CTNNA3: variants seen among roughly 807,000 people sequenced by gnomAD.
CTNNA3 encodes catenin alpha 3.
A neutral mutation model predicts 95.7 loss-of-function variants in CTNNA3; 76 were observed. The ratio of observed to expected loss-of-function variants is 0.79; its 90% CI spans 0.66 to 0.96. The LOEUF (loss-of-function observed/expected upper bound fraction) is 0.96, where lower values mean the gene tolerates loss of function less well. CTNNA3 is among the 40% of genes least tolerant of loss of function. CTNNA3 has a pLI of 0.00. For synonymous variants in CTNNA3, 431 were observed against 374.4 expected, an observed-to-expected ratio of 1.15 and a Z score of -1.74; for missense variants, 1,191 against 1,089.8, an observed-to-expected ratio of 1.09 and a Z score of -1.31.
At chr10:66,161,815 T>C (rs754463991) in intron 13 of CTNNA3, among the ~76,000 whole-genome samples, 1 of 152,228 alleles carries the variant, frequency 6.6e-6, no homozygotes, top group Non-Finnish European at 1.5e-5. Flanking sequence ...TGGAATTCTC[T>C]TCTTCCTCAG....
rs1554932658 is a variant in CTNNA3 at position 67,151,344 on chromosome 10, AAT to A, written c.1047+28971_1047+28972del. Among the ~76,000 whole-genome samples, 3 of 152,104 alleles carry A rather than the reference AAT, an allele frequency of 2.0e-5. No individual in the cohort carries two copies. The East Asian group carries it at 5.8e-4, about 29-fold the overall frequency. Reference sequence around the variant, plus strand: ...TGCAAACTTACAGTGAATAAAAAAAAATAAGGTAATGTATTTTATTCCTTTAT... The same window carrying A: ...TGCAAACTTACAGTGAATAAAAAAAAAAGGTAATGTATTTTATTCCTTTAT... On this transcript the variant is annotated intron_variant, in intron 7 of 17. Transcript: ENST00000433211.
At chr10:66,276,154 GATATAT>G (rs2091393331) in intron 13 of CTNNA3, among the ~76,000 whole-genome samples, 1 of 152,040 alleles carries the variant, frequency 6.6e-6, no homozygotes, top group African/African-American at 2.4e-5. Context: ...CCTATTCCCT[GATATAT>G]AGAGTTAGAA....
intron 1 of CTNNA3, among the ~76,000 whole-genome samples, chr10:67,717,799 G>A (rs1349302862): frequency 1.3e-5 from 2 of 152,038 alleles, no homozygotes; most frequent in African/African-American, 4.8e-5. Flanking sequence ...TAGGCTATAC[G>A]GGCTCTTTTT....
At chr10:66,581,309 G>A (rs1396285597) in intron 10 of CTNNA3, among the ~76,000 whole-genome samples, 1 of 151,742 alleles carries the variant, frequency 6.6e-6, no homozygotes, top group African/African-American at 2.4e-5. Context: ...TTAGCTTTGA[G>A]AAATCTCCAT....
intron 11 of CTNNA3, among the ~76,000 whole-genome samples, chr10:66,463,886 ATT>A (rs112075327): frequency 1.3e-4 from 18 of 143,694 alleles, no homozygotes; most frequent in Non-Finnish European, 1.1e-4. Flanking sequence ...TCACTTTCCA[ATT>A]TTTTTTTTTT....
chr10:66,710,709 A>G (rs545897170), intron 9 of CTNNA3, among the ~76,000 whole-genome samples: 2 of 152,090 alleles, frequency 1.3e-5, no homozygotes, highest in South Asian at 4.1e-4. Context: ...TCTCTGTGAT[A>G]ATATATATTC....
chr10:66,912,543 A>G (rs1198263192), intron 7 of CTNNA3, among the ~76,000 whole-genome samples: 2 of 152,224 alleles, frequency 1.3e-5, no homozygotes, highest in Admixed American at 6.5e-5. Flanking sequence ...GCAAAGTTAT[A>G]ATAAATACAA....
At chr10:67,022,014 A>G (rs1453905983) in intron 7 of CTNNA3, among the ~76,000 whole-genome samples, 1 of 152,230 alleles carries the variant, frequency 6.6e-6, no homozygotes, top group Non-Finnish European at 1.5e-5. Context: ...TTAAGTCGCA[A>G]TAGACCTTTC....
chr10:66,654,667 C>T (rs1343713734), intron 9 of CTNNA3, among the ~76,000 whole-genome samples: 1 of 152,080 alleles, frequency 6.6e-6, no homozygotes, highest in African/African-American at 2.4e-5. Context: ...ATGTTCCTCA[C>T]AGCATTATTC....
chr10:67,255,335 T>TA (rs1338430857), intron 5 of CTNNA3, among the ~76,000 whole-genome samples: 1 of 151,536 alleles, frequency 6.6e-6, no homozygotes, highest in Non-Finnish European at 1.5e-5. Context: ...TTAATTAATT[T>TA]AAAAAACTAC....
chr10:66,670,595 T>C (rs1436630597), intron 9 of CTNNA3, among the ~76,000 whole-genome samples: 1 of 152,200 alleles, frequency 6.6e-6, no homozygotes, highest in Non-Finnish European at 1.5e-5. Context: ...CGACTGATTT[T>C]TCTGTTCTCC....
intron 5 of CTNNA3, among the ~76,000 whole-genome samples, chr10:67,248,773 C>T (rs1052220439): frequency 2.0e-5 from 3 of 152,142 alleles, no homozygotes; most frequent in Non-Finnish European, 2.9e-5. Context: ...GGACTCCTAC[C>T]TCACACCATA....
At chr10:66,975,967 T>A (rs2132850996) in intron 7 of CTNNA3, among the ~76,000 whole-genome samples, 1 of 152,336 alleles carries the variant, frequency 6.6e-6, no homozygotes. Context: ...CTGCTTAACA[T>A]GCTACTGCAG....
intron 7 of CTNNA3, among the ~76,000 whole-genome samples, chr10:67,027,900 G>A (rs1853488967): frequency 6.6e-6 from 1 of 152,094 alleles, no homozygotes; most frequent in Non-Finnish European, 1.5e-5. Context: ...ATGTCATAAT[G>A]ATGATGATAT....
intron 6 of CTNNA3, among the ~76,000 whole-genome samples, chr10:67,185,158 C>T (rs1862774129): frequency 6.6e-6 from 1 of 151,752 alleles, no homozygotes; most frequent in African/African-American, 2.4e-5. Context: ...TAGATGGAGT[C>T]TCACTCTGTT....
At chr10:67,673,373 C>T (rs1203215956) in intron 1 of CTNNA3, among the ~76,000 whole-genome samples, 1 of 148,906 alleles carries the variant, frequency 6.7e-6, no homozygotes, top group Admixed American at 6.7e-5. Flanking sequence ...GCCTAATTGC[C>T]CTGGCCAGAA....
chr10:67,062,514 AGTGT>A (rs997752117), intron 7 of CTNNA3, among the ~76,000 whole-genome samples: 3 of 152,058 alleles, frequency 2.0e-5, no homozygotes, highest in African/African-American at 7.2e-5. Flanking sequence ...TTTGGTTGAA[AGTGT>A]GTGTGTGTCT....
At chr10:67,701,650 G>A (rs185221255) in intron 1 of CTNNA3, among the ~76,000 whole-genome samples, 542 of 152,270 alleles carry the variant, frequency 3.6e-3, no homozygotes, top group Admixed American at 5.1e-3. Flanking sequence ...AGGAAAAACC[G>A]GTACCAGCTG....
intron 7 of CTNNA3, among the ~76,000 whole-genome samples, chr10:66,921,146 G>A (rs1315628609): frequency 6.6e-6 from 1 of 152,162 alleles, no homozygotes; most frequent in Non-Finnish European, 1.5e-5. Flanking sequence ...CTGATTTCTG[G>A]CTTCTTAATA....
Sources: gnomAD v4.1 joint callset for allele counts (sites outside exome capture counted in the v4.1 genomes callset) on GRCh38, gnomAD v4.1.1 for gene constraint, MANE v1.5 for transcripts, NCBI Gene and HGNC (gene_info 2026-07-23, HGNC 2026-07-21) for gene names.